ADAM10: variants seen among roughly 807,000 people sequenced by gnomAD.
ADAM10 encodes the protein disintegrin and metalloproteinase domain-containing protein 10.
In ADAM10, 17 loss-of-function variants were observed where a neutral mutation model predicts 90.1. That is an observed-to-expected ratio of 0.19 (90% CI 0.13 to 0.28). ADAM10 has a LOEUF of 0.28. Ranked by LOEUF, ADAM10 falls within the 10% of genes least tolerant of loss-of-function variation. ADAM10 has a pLI of 1.00. For synonymous variants in ADAM10, 310 were observed against 298.6 expected (o/e 1.04, Z -0.40); for missense variants, 610 against 914.3 (o/e 0.67, Z 4.29).
intron 4 of ADAM10, among the ~76,000 whole-genome samples, chr15:58,675,011 C>G (rs1025411031): frequency 6.6e-6 from 1 of 152,224 alleles, no homozygotes; most frequent in Non-Finnish European, 1.5e-5. Flanking sequence ...TCCTGGCCAA[C>G]ATGGTGAAAC....
At chr15:58,711,689 A>T (rs545441051) in intron 2 of ADAM10, among the ~76,000 whole-genome samples, 2 of 152,312 alleles carry the variant, frequency 1.3e-5, no homozygotes, top group Admixed American at 1.3e-4. Context: ...CCTACCCCAA[A>T]GTACATAATT....
chr15:58,720,404 AT>A (rs879811536), intron 1 of ADAM10, among the ~76,000 whole-genome samples: 3,985 of 45,114 alleles, frequency 0.088, 48 homozygotes, highest in Middle Eastern at 0.21. Flanking sequence ...ATTTTATTTT[AT>A]TTTTTTTTTT....
intron 1 of ADAM10, among the ~76,000 whole-genome samples, chr15:58,726,327 G>T (rs780858924): frequency 1.3e-5 from 2 of 152,064 alleles, no homozygotes; most frequent in Admixed American, 6.5e-5. Context: ...TATATTGAGA[G>T]GCCAAGGCGG....
chr15:58,620,065 C>T (rs1448613600), intron 11 of ADAM10, among the ~76,000 whole-genome samples: 1 of 151,878 alleles, frequency 6.6e-6, no homozygotes, highest in Non-Finnish European at 1.5e-5. Context: ...TAATATTAGG[C>T]AATTTATCAG....
rs145922493 is a variant in ADAM10, at chr15:58,734,511, G to A, written c.55+14969C>T. 3.4e-3 allele frequency among the ~76,000 whole-genome samples: 518 copies of A among 152,104 alleles called. 6 individuals carry two copies. Among genetic ancestry groups the A allele is most frequent in the African/African-American group, 0.012 (487 of 41,480 alleles). On this transcript the variant is annotated intron_variant, in intron 1 of 15. Coordinates refer to ENST00000260408, the MANE Select transcript of ADAM10 (RefSeq NM_001110.4). Reference sequence around the variant, plus strand: ...ACAAAAAACTGAAAAGACAGCCTGGGCAAGATGGCAAAACGCCATCTCTAC... The same window carrying A: ...ACAAAAAACTGAAAAGACAGCCTGGACAAGATGGCAAAACGCCATCTCTAC...
At chr15:58,734,940 A>G (rs16940712) in intron 1 of ADAM10, among the ~76,000 whole-genome samples, 3,586 of 152,124 alleles carry the variant, frequency 0.024, 53 homozygotes, top group Middle Eastern at 0.037. Flanking sequence ...CTAATCTTCA[A>G]CCCTTGTACT....
At chr15:58,622,273 C>T (rs1463594449) in intron 10 of ADAM10, among the ~76,000 whole-genome samples, 1 of 152,128 alleles carries the variant, frequency 6.6e-6, no homozygotes, top group African/African-American at 2.4e-5. Flanking sequence ...AAATTAATAG[C>T]ATGCTTAATA....
At chr15:58,659,689 C>G (rs1326854117) in intron 5 of ADAM10, among the ~76,000 whole-genome samples, 1 of 152,114 alleles carries the variant, frequency 6.6e-6, no homozygotes, top group Non-Finnish European at 1.5e-5. Context: ...TCTGGTATGA[C>G]TATCAAAGTA....
chr15:58,737,514 T>C lies in ADAM10; in HGVS notation c.55+11966A>G, dbSNP rs190560194. 8.9e-4 allele frequency among the ~76,000 whole-genome samples: 136 copies of C among 152,278 alleles called. 1 individual carries two copies. The highest frequency in any genetic ancestry group is 3.2e-3 in the African/African-American group (133 of 41,564). On this transcript the variant is annotated intron_variant, in intron 1 of 15. Transcript: ENST00000260408. ...TCAACTGATAACTACTATTTGACTT[T>C]CCTGACTCTGGATAAGTAACCCTCC...
chr15:58,669,816 C>T (rs1897155173), intron 4 of ADAM10, among the ~76,000 whole-genome samples: 1 of 152,134 alleles, frequency 6.6e-6, no homozygotes, highest in African/African-American at 2.4e-5. Context: ...ACTTTTAATA[C>T]ATACAACATG....
chr15:58,705,558 T>C (rs531801058), intron 2 of ADAM10, among the ~76,000 whole-genome samples: 1 of 152,194 alleles, frequency 6.6e-6, no homozygotes, highest in African/African-American at 2.4e-5. Flanking sequence ...GGTTTTTCTT[T>C]CTCAAGCTTT....
chr15:58,627,875 A>C lies in ADAM10; in HGVS notation c.1185T>G (p.Ser395=). 2 of 1,613,368 alleles carry C rather than the reference A, an allele frequency of 1.2e-6. No homozygotes were observed. Among genetic ancestry groups the C allele is most frequent in the Non-Finnish European group, 1.7e-6 (2 of 1,179,700 alleles). The change falls in exon 10 of 16, where the codon TCT becomes TCG. Residue 395 remains serine, a synonymous_variant. Coordinates refer to ENST00000260408, the MANE Select transcript of ADAM10 (RefSeq NM_001110.4). The part of the protein sequence containing the change: ...VGHNFGSPHD[S]GTECTPGESK... ...ATTCTCCTGGTGTGCACTCTGTTCC[A>C]GAATCATGCTGTCAAAAAGAATATA...
chr15:58,644,387 G>A (rs1896496448), intron 6 of ADAM10, among the ~76,000 whole-genome samples: 1 of 151,794 alleles, frequency 6.6e-6, no homozygotes, highest in African/African-American at 2.4e-5. Flanking sequence ...CTACCACCAT[G>A]CCCAGCTAAT....
chr15:58,669,596 A>G (rs1206455785), intron 4 of ADAM10, among the ~76,000 whole-genome samples: 1 of 152,112 alleles, frequency 6.6e-6, no homozygotes, highest in Non-Finnish European at 1.5e-5. Flanking sequence ...CAGGCAACAG[A>G]GCAAGATTTT....
chr15:58,703,120 A>T (rs1404815507), intron 2 of ADAM10, among the ~76,000 whole-genome samples: 1 of 152,126 alleles, frequency 6.6e-6, no homozygotes, highest in Non-Finnish European at 1.5e-5. Flanking sequence ...GACAGGAACA[A>T]CCCAACCACA....
intron 1 of ADAM10, among the ~76,000 whole-genome samples, chr15:58,718,600 C>A (rs1299448925): frequency 6.6e-6 from 1 of 152,110 alleles, no homozygotes; most frequent in Non-Finnish European, 1.5e-5. Flanking sequence ...AGTAGTCTAC[C>A]CAATGCTCCA....
chr15:58,707,611 C>G (rs186498285), intron 2 of ADAM10, among the ~76,000 whole-genome samples: 1 of 151,962 alleles, frequency 6.6e-6, no homozygotes, highest in Non-Finnish European at 1.5e-5. Context: ...AAAGGAGGGC[C>G]AATGGAAAGA....
chr15:58,692,872 C>A (rs771307686), intron 2 of ADAM10: 9 of 676,724 alleles, frequency 1.3e-5, no homozygotes, highest in Middle Eastern at 2.5e-4. Context: ...TGCTTCAGTA[C>A]CAGACTTGGC....
intron 8 of ADAM10, among the ~76,000 whole-genome samples, chr15:58,634,413 T>G (rs1896193053): frequency 6.6e-6 from 1 of 152,190 alleles, no homozygotes; most frequent in African/African-American, 2.4e-5. Context: ...CAGTATGTCT[T>G]TAGGACACTA....
Sources: gnomAD v4.1 joint callset for allele counts (sites outside exome capture counted in the v4.1 genomes callset) on GRCh38, gnomAD v4.1.1 for gene constraint, MANE v1.5 for transcripts, NCBI Gene and HGNC (gene_info 2026-07-23, HGNC 2026-07-21) for gene names.